Variants in SGCZ observed in about 807,000 individuals in gnomAD.
SGCZ encodes zeta-sarcoglycan.
Under a neutral mutation model 41.3 loss-of-function variants are expected in SGCZ, and 40 were observed. The observed-to-expected ratio is 0.97, with a 90% CI of 0.75 to 1.26. SGCZ has a LOEUF of 1.26. SGCZ is among the 50% of genes most tolerant of loss of function. SGCZ has a pLI of 0.00. For synonymous variants in SGCZ, 206 were observed against 137.5 expected, an observed-to-expected ratio of 1.50 and a Z score of -3.49; for missense variants, 552 against 369.8, an observed-to-expected ratio of 1.49 and a Z score of -4.04.
intron 1 of SGCZ, among the ~76,000 whole-genome samples, chr8:14,599,549 C>G (rs1805520669): frequency 6.6e-6 from 1 of 152,118 alleles, no homozygotes; most frequent in African/African-American, 2.4e-5. Flanking sequence ...ATGCTGGTTT[C>G]TCTCTTCTCT....
chr8:14,819,131 T>TA (rs57311975), intron 1 of SGCZ, among the ~76,000 whole-genome samples: 53,231 of 144,196 alleles, frequency 0.37, 12,600 homozygotes, highest in East Asian at 0.75. Context: ...GACAGAATTC[T>TA]AAAAAAAAAA....
chr8:14,406,651 CCATTAGACA>C (rs1476238280), intron 2 of SGCZ, among the ~76,000 whole-genome samples: 2 of 152,126 alleles, frequency 1.3e-5, no homozygotes, highest in Admixed American at 6.5e-5. Flanking sequence ...AAGCGCCTCC[CCATTAGACA>C]CATGCCATGT....
intron 2 of SGCZ, among the ~76,000 whole-genome samples, chr8:14,465,946 T>G (rs1028956706): frequency 2.6e-5 from 4 of 151,914 alleles, no homozygotes; most frequent in Non-Finnish European, 4.4e-5. Context: ...CTAATAAGTT[T>G]TTAATGTATT....
intron 1 of SGCZ, among the ~76,000 whole-genome samples, chr8:14,588,188 G>C (rs868474798): frequency 1.2e-5 from 1 of 84,274 alleles, no homozygotes; most frequent in Non-Finnish European, 2.4e-5. Context: ...AATAGCCATT[G>C]ATTACCCAGA....
chr8:14,402,622 G>T (rs1799109085), intron 2 of SGCZ, among the ~76,000 whole-genome samples: 1 of 142,404 alleles, frequency 7.0e-6, no homozygotes. Flanking sequence ...TATTTCTGAG[G>T]GCTCTGTTCT....
intron 4 of SGCZ, among the ~76,000 whole-genome samples, chr8:14,182,349 AAC>A (rs1379666818): frequency 6.6e-6 from 1 of 152,174 alleles, no homozygotes; most frequent in Non-Finnish European, 1.5e-5. Context: ...AGCATCTGAG[AAC>A]CAACCAGGAA....
intron 1 of SGCZ, among the ~76,000 whole-genome samples, chr8:14,899,867 AGAG>A (rs953464834): frequency 4.6e-5 from 7 of 151,692 alleles, no homozygotes; most frequent in Non-Finnish European, 8.8e-5. Flanking sequence ...AAGAAGAAGA[AGAG>A]GAGGAGGAGA....
At chr8:14,421,778 G>C (rs979744744) in intron 2 of SGCZ, among the ~76,000 whole-genome samples, 1 of 151,964 alleles carries the variant, frequency 6.6e-6, no homozygotes, top group African/African-American at 2.4e-5. Flanking sequence ...TCAAAATAGG[G>C]CTTGATATAT....
intron 2 of SGCZ, among the ~76,000 whole-genome samples, chr8:14,524,151 A>C (rs1802870664): frequency 6.6e-6 from 1 of 151,824 alleles, no homozygotes; most frequent in Non-Finnish European, 1.5e-5. Context: ...GTGATTTTGT[A>C]CTAAAACCTG....
At chr8:15,120,364 G>A (rs948173365) in intron 1 of SGCZ, among the ~76,000 whole-genome samples, 1 of 152,032 alleles carries the variant, frequency 6.6e-6, no homozygotes. Flanking sequence ...ATCCTATACA[G>A]GTAGTATTTT....
chr8:14,966,368 A>G (rs1197257006), intron 1 of SGCZ, among the ~76,000 whole-genome samples: 1 of 151,702 alleles, frequency 6.6e-6, no homozygotes, highest in Non-Finnish European at 1.5e-5. Flanking sequence ...TATAACCAAG[A>G]AAAAATTTAT....
chr8:14,552,532 A>T (rs988703269), intron 2 of SGCZ, among the ~76,000 whole-genome samples: 2 of 150,592 alleles, frequency 1.3e-5, no homozygotes, highest in African/African-American at 2.5e-5. Flanking sequence ...AACGTAAAAA[A>T]ATAAATAAAT....
chr8:14,324,073 T>C (rs772835803), intron 3 of SGCZ, 30 bp downstream of exon 3: 2 of 1,484,542 alleles, frequency 1.3e-6, no homozygotes, highest in East Asian at 4.5e-5. Flanking sequence ...AAATTATCTT[T>C]TAGAGTAAGC....
At chr8:14,124,359 C>T (rs1032174370) in intron 5 of SGCZ, among the ~76,000 whole-genome samples, 1 of 152,046 alleles carries the variant, frequency 6.6e-6, no homozygotes. Context: ...ATGAACATGG[C>T]AATTTTATCC....
chr8:14,940,958 T>C (rs1056110374), intron 1 of SGCZ, among the ~76,000 whole-genome samples: 13 of 152,012 alleles, frequency 8.6e-5, no homozygotes, highest in Non-Finnish European at 1.6e-4. Flanking sequence ...AGATAATTTA[T>C]AATATCTGTT....
chr8:14,692,077 T>C (rs897346497), intron 1 of SGCZ, among the ~76,000 whole-genome samples: 5 of 152,060 alleles, frequency 3.3e-5, no homozygotes, highest in African/African-American at 1.2e-4. Flanking sequence ...CATATTCTAC[T>C]ATTTTTAGTC....
intron 1 of SGCZ, among the ~76,000 whole-genome samples, chr8:15,147,480 G>T (rs1201999973): frequency 6.6e-6 from 1 of 152,118 alleles, no homozygotes; most frequent in Admixed American, 6.5e-5. Flanking sequence ...GATTCTCCAT[G>T]TTCGTCAGGC....
chr8:14,196,775 G>T (rs147295719), intron 4 of SGCZ, among the ~76,000 whole-genome samples: 9 of 152,170 alleles, frequency 5.9e-5, no homozygotes, highest in Admixed American at 1.3e-4. Context: ...AAAGAAACCA[G>T]CCGCCAAAAC....
chr8:14,553,858 C>A (rs140407857), intron 2 of SGCZ, among the ~76,000 whole-genome samples: 2 of 152,012 alleles, frequency 1.3e-5, no homozygotes, highest in East Asian at 1.9e-4. Flanking sequence ...CCTGAGGATG[C>A]AGAGTTCTAA....
Sources: allele counts gnomAD v4.1 joint callset (sites outside exome capture counted in the v4.1 genomes callset), GRCh38; gene constraint gnomAD v4.1.1; transcripts MANE v1.5; gene names NCBI Gene and HGNC (gene_info 2026-07-23, HGNC 2026-07-21).